Variants in REDIC1 observed in about 807,000 individuals in gnomAD.
REDIC1 encodes regulator of DNA class I crossover intermediates 1.
At chr12:39,741,069 C>A in the REDIC1 span, among the ~76,000 whole-genome samples, 3 of 152,088 alleles carry the variant, frequency 2.0e-5, no homozygotes, top group Admixed American at 6.6e-5. Flanking sequence ...TGGGTGCAAG[C>A]GATTCTCTTG....
the REDIC1 span, among the ~76,000 whole-genome samples, chr12:39,648,701 T>G: frequency 3.3e-5 from 5 of 151,126 alleles, no homozygotes; most frequent in African/African-American, 9.7e-5. Flanking sequence ...TGAATTTATC[T>G]TATTTTTAGC....
the REDIC1 span, among the ~76,000 whole-genome samples, chr12:39,824,592 C>G: frequency 6.6e-6 from 1 of 152,158 alleles, no homozygotes; most frequent in Non-Finnish European, 1.5e-5. Context: ...TGCATCTGTA[C>G]TGAGGTGGAC....
At chr12:39,680,574 C>A in the REDIC1 span, among the ~76,000 whole-genome samples, 1 of 152,138 alleles carries the variant, frequency 6.6e-6, no homozygotes, top group South Asian at 2.1e-4. Flanking sequence ...TATGGAGACT[C>A]CTTAAAGAAC....
At chr12:39,675,535 C>T in the REDIC1 span, among the ~76,000 whole-genome samples, 45 of 152,188 alleles carry the variant, frequency 3.0e-4, no homozygotes, top group Non-Finnish European at 7.3e-5. Flanking sequence ...TCAGAACAAG[C>T]CTGCTCCAAA....
At chr12:39,642,887 T>C in the REDIC1 span, among the ~76,000 whole-genome samples, 1 of 151,806 alleles carries the variant, frequency 6.6e-6, no homozygotes, top group Non-Finnish European at 1.5e-5. Context: ...AACTTAAAAG[T>C]TATAATTAAC....
At chr12:39,680,811 G>A in the REDIC1 span, among the ~76,000 whole-genome samples, 1 of 151,618 alleles carries the variant, frequency 6.6e-6, no homozygotes, top group Non-Finnish European at 1.5e-5. Flanking sequence ...CACACTCCAT[G>A]GAATTCTACT....
chr12:39,681,720 A>T, the REDIC1 span, among the ~76,000 whole-genome samples: 241 of 152,316 alleles, frequency 1.6e-3, 1 homozygote, highest in African/African-American at 5.7e-3. Context: ...CTCTCTCTTT[A>T]ACAACAAGCT....
chr12:39,693,753 A>G, the REDIC1 span, among the ~76,000 whole-genome samples: 1 of 152,188 alleles, frequency 6.6e-6, no homozygotes, highest in Admixed American at 6.5e-5. Flanking sequence ...CTGTAAGTGA[A>G]CAATTTTGTA....
the REDIC1 span, among the ~76,000 whole-genome samples, chr12:39,705,684 CATA>C: frequency 2.6e-5 from 4 of 152,020 alleles, no homozygotes; most frequent in African/African-American, 9.7e-5. Context: ...TGTGATACAT[CATA>C]ATAACAGAAT....
chr12:39,787,783 G>C, the REDIC1 span, among the ~76,000 whole-genome samples: 2 of 152,098 alleles, frequency 1.3e-5, no homozygotes, highest in African/African-American at 2.4e-5. Flanking sequence ...GGAAACAGCT[G>C]GGAGACCTAC....
At chr12:39,725,844 A>G in the REDIC1 span, among the ~76,000 whole-genome samples, 3 of 152,012 alleles carry the variant, frequency 2.0e-5, no homozygotes, top group Non-Finnish European at 4.4e-5. Flanking sequence ...GATAATACAC[A>G]CAGCGAATTG....
At chr12:39,703,029 A>AG in the REDIC1 span, among the ~76,000 whole-genome samples, 1 of 152,224 alleles carries the variant, frequency 6.6e-6, no homozygotes, top group African/African-American at 2.4e-5. Context: ...GGCACAAGAC[A>AG]GGGATGCCCT....
At chr12:39,858,133 A>G in the REDIC1 span, among the ~76,000 whole-genome samples, 3 of 152,228 alleles carry the variant, frequency 2.0e-5, no homozygotes, top group Non-Finnish European at 4.4e-5. Context: ...CTTCCATGAC[A>G]GGTGGACAGA....
At chr12:39,869,353 A>G in the REDIC1 span, among the ~76,000 whole-genome samples, 48 of 152,314 alleles carry the variant, frequency 3.2e-4, no homozygotes, top group African/African-American at 1.1e-3. Context: ...AACCACATGA[A>G]TGGCACCATT....
the REDIC1 span, chr12:39,626,488 C>A: frequency 1.6e-6 from 2 of 1,214,974 alleles, no homozygotes; most frequent in Non-Finnish European, 2.3e-6. Flanking sequence ...TATTGTTATC[C>A]AAATCGGGTT....
chr12:39,884,136 G>T, the REDIC1 span, among the ~76,000 whole-genome samples: 17 of 152,182 alleles, frequency 1.1e-4, 1 homozygote, highest in Admixed American at 1.1e-3. Context: ...TGTATTTTTA[G>T]TGTATGTATG....
the REDIC1 span, among the ~76,000 whole-genome samples, chr12:39,821,177 A>G: frequency 6.6e-6 from 1 of 152,092 alleles, no homozygotes; most frequent in African/African-American, 2.4e-5. Context: ...ACTTTCGGAG[A>G]CCAAGGCGGG....
At chr12:39,734,871 A>T in the REDIC1 span, among the ~76,000 whole-genome samples, 1 of 152,346 alleles carries the variant, frequency 6.6e-6, no homozygotes, top group African/African-American at 2.4e-5. Context: ...CTACTAAAAA[A>T]TTCCTGGTTA....
the REDIC1 span, chr12:39,829,989 G>T: frequency 7.7e-7 from 1 of 1,294,276 alleles, no homozygotes; most frequent in Non-Finnish European, 1.1e-6. Flanking sequence ...AAGTAATGTA[G>T]TTATGAAGGC....
Sources: gnomAD v4.1 joint callset for allele counts (sites outside exome capture counted in the v4.1 genomes callset) on GRCh38, gnomAD v4.1.1 for gene constraint, MANE v1.5 for transcripts, NCBI Gene and HGNC (gene_info 2026-07-23, HGNC 2026-07-21) for gene names.